The following NLGN1 variants were observed in gnomAD, a reference collection of about 807,000 sequenced individuals.
NLGN1 encodes the protein neuroligin-1.
In NLGN1, 12 loss-of-function variants were observed where a neutral mutation model predicts 65.5. The ratio of observed to expected loss-of-function variants is 0.18; its 90% CI spans 0.12 to 0.30. The LOEUF is 0.30. NLGN1 is among the 10% of genes least tolerant of loss of function. The probability of loss-of-function intolerance (pLI) is 1.00; values close to 1 mark genes in which losing one functional copy is unlikely to be tolerated. For missense variants in NLGN1, 750 were observed against 1,007.1 expected, an observed-to-expected ratio of 0.74 and a Z score of 3.46; for synonymous variants, 350 against 359.5, an observed-to-expected ratio of 0.97 and a Z score of 0.30.
intron 3 of NLGN1, among the ~76,000 whole-genome samples, chr3:173,798,891 T>C (rs1380637722): frequency 2.0e-5 from 3 of 152,094 alleles, no homozygotes; most frequent in African/African-American, 7.2e-5. Context: ...TATTATATCT[T>C]ATTTTTCCCC....
chr3:174,082,720 ATT>A (rs1050415639), intron 4 of NLGN1, among the ~76,000 whole-genome samples: 29 of 151,932 alleles, frequency 1.9e-4, no homozygotes, highest in African/African-American at 6.5e-4. Flanking sequence ...ATTTCTGTTC[ATT>A]TTTTTCTTTT....
intron 4 of NLGN1, among the ~76,000 whole-genome samples, chr3:174,076,416 C>G (rs1173276178): frequency 6.6e-6 from 1 of 152,018 alleles, no homozygotes; most frequent in Non-Finnish European, 1.5e-5. Context: ...CCATTCAAAC[C>G]TCAGTGCCAT....
chr3:173,445,267 CAAAAAAA>C (rs60140480), intron 2 of NLGN1, among the ~76,000 whole-genome samples: 24 of 103,486 alleles, frequency 2.3e-4, no homozygotes, highest in African/African-American at 5.1e-4. Flanking sequence ...GACTCCGTCT[CAAAAAAA>C]AAAAAAAAAA....
intron 2 of NLGN1, among the ~76,000 whole-genome samples, chr3:173,497,487 T>C (rs953220328): frequency 1.3e-4 from 20 of 151,900 alleles, no homozygotes; most frequent in African/African-American, 4.6e-4. Context: ...CAAGATAATT[T>C]AGACATTTCT....
intron 4 of NLGN1, among the ~76,000 whole-genome samples, chr3:174,255,137 C>T (rs1745443459): frequency 1.3e-5 from 2 of 152,052 alleles, no homozygotes; most frequent in Admixed American, 6.5e-5. Flanking sequence ...TCCCAAAAAA[C>T]GTTTAAGCGA....
intron 4 of NLGN1, among the ~76,000 whole-genome samples, chr3:174,081,154 T>C (rs1410032811): frequency 6.6e-6 from 1 of 152,148 alleles, no homozygotes; most frequent in Non-Finnish European, 1.5e-5. Flanking sequence ...CCATGACTTA[T>C]AACTTAGACA....
chr3:174,125,924 C>A (rs1242565472), intron 4 of NLGN1, among the ~76,000 whole-genome samples: 2 of 152,100 alleles, frequency 1.3e-5, no homozygotes, highest in Non-Finnish European at 2.9e-5. Flanking sequence ...TTAACTTTAA[C>A]AACACAGAGC....
intron 2 of NLGN1, among the ~76,000 whole-genome samples, chr3:173,599,778 A>G (rs1360921506): frequency 6.6e-6 from 1 of 152,118 alleles, no homozygotes; most frequent in African/African-American, 2.4e-5. Context: ...TTGTCTGTTC[A>G]CTAAAATGTA....
chr3:174,182,667 A>AT (rs1730667137), intron 4 of NLGN1, among the ~76,000 whole-genome samples: 2 of 152,214 alleles, frequency 1.3e-5, no homozygotes, highest in South Asian at 4.1e-4. Context: ...GACATACCTC[A>AT]TAGTGAAGAT....
At chr3:174,278,533 A>G (rs1751008044) in intron 5 of NLGN1, among the ~76,000 whole-genome samples, 1 of 151,922 alleles carries the variant, frequency 6.6e-6, no homozygotes, top group African/African-American at 2.4e-5. Context: ...AATGTTGATG[A>G]TAATATACGT....
chr3:173,607,133 C>T (rs1751520710), intron 3 of NLGN1, among the ~76,000 whole-genome samples: 1 of 151,926 alleles, frequency 6.6e-6, no homozygotes, highest in Non-Finnish European at 1.5e-5. Flanking sequence ...GACCTTTCTT[C>T]TCATACAACT....
At chr3:174,218,874 G>T (rs1021048137) in intron 4 of NLGN1, among the ~76,000 whole-genome samples, 2 of 152,012 alleles carry the variant, frequency 1.3e-5, no homozygotes. Context: ...CATGTCTTGA[G>T]TTTCCCAAAG....
chr3:173,860,558 T>G (rs1398801515), intron 4 of NLGN1, among the ~76,000 whole-genome samples: 3 of 152,066 alleles, frequency 2.0e-5, no homozygotes, highest in Non-Finnish European at 2.9e-5. Context: ...AATGTTACAG[T>G]AGGAAGAAAA....
chr3:173,732,361 A>C (rs548423922), intron 3 of NLGN1, among the ~76,000 whole-genome samples: 2 of 152,186 alleles, frequency 1.3e-5, no homozygotes, highest in African/African-American at 4.8e-5. Flanking sequence ...TTAAACAAAC[A>C]CTGTGATGCT....
intron 2 of NLGN1, among the ~76,000 whole-genome samples, chr3:173,495,286 G>C (rs1318590126): frequency 6.6e-6 from 1 of 151,458 alleles, no homozygotes; most frequent in African/African-American, 2.4e-5. Flanking sequence ...ATAGTTCAGT[G>C]GGTTTCTCCT....
intron 2 of NLGN1, among the ~76,000 whole-genome samples, chr3:173,467,632 C>T (rs1159156483): frequency 1.3e-5 from 2 of 152,086 alleles, no homozygotes; most frequent in Admixed American, 6.6e-5. Context: ...CATAATGATT[C>T]AGTCATCATC....
chr3:173,757,450 T>C (rs1454391418), intron 3 of NLGN1, among the ~76,000 whole-genome samples: 1 of 152,034 alleles, frequency 6.6e-6, no homozygotes, highest in Non-Finnish European at 1.5e-5. Flanking sequence ...TGGAGTAAAT[T>C]AAATTAAACC....
At chr3:174,117,309 G>A (rs967945903) in intron 4 of NLGN1, among the ~76,000 whole-genome samples, 1 of 151,680 alleles carries the variant, frequency 6.6e-6, no homozygotes, top group Non-Finnish European at 1.5e-5. Flanking sequence ...ATATATCACA[G>A]CACACAAAGA....
chr3:173,710,605 A>G (rs1167147716), intron 3 of NLGN1, among the ~76,000 whole-genome samples: 1 of 152,200 alleles, frequency 6.6e-6, no homozygotes, highest in African/African-American at 2.4e-5. Context: ...CCCACAGCAC[A>G]CGAGTGCAAT....
Sources: gnomAD v4.1 joint callset for allele counts (sites outside exome capture counted in the v4.1 genomes callset) on GRCh38, gnomAD v4.1.1 for gene constraint, MANE v1.5 for transcripts, NCBI Gene and HGNC (gene_info 2026-07-23, HGNC 2026-07-21) for gene names.